The following GALNT13 variants were observed in gnomAD, a reference collection of about 807,000 sequenced individuals.
The protein encoded by GALNT13 is UDP-GalNAc:polypeptide N-acetylgalactosaminyltransferase 13.
In GALNT13, 28 loss-of-function variants were observed where a neutral mutation model predicts 64.2. That is an observed-to-expected ratio of 0.44 (90% CI 0.32 to 0.60). The LOEUF is 0.60. Ranked by LOEUF, GALNT13 falls within the 20% of genes least tolerant of loss-of-function variation. The pLI is 0.05. For missense variants in GALNT13, 577 were observed against 669.8 expected (o/e 0.86, Z 1.53); for synonymous variants, 214 against 224.6 (o/e 0.95, Z 0.42).
chr2:154,290,306 A>C (rs970597588), intron 8 of GALNT13, among the ~76,000 whole-genome samples: 3 of 152,232 alleles, frequency 2.0e-5, no homozygotes, highest in African/African-American at 7.2e-5. Context: ...GAGGTCCTCC[A>C]GTCTCTCTTT....
chr2:153,961,626 T>C (rs1017152928), intron 3 of GALNT13, among the ~76,000 whole-genome samples: 3 of 152,128 alleles, frequency 2.0e-5, no homozygotes, highest in African/African-American at 7.2e-5. Flanking sequence ...CCCAACTTCA[T>C]AGTTGAGTAT....
intron 9 of GALNT13, among the ~76,000 whole-genome samples, chr2:154,366,306 T>C (rs948641860): frequency 6.6e-6 from 1 of 152,164 alleles, no homozygotes; most frequent in Non-Finnish European, 1.5e-5. Flanking sequence ...AATATATAGT[T>C]TAGAAAATAT....
At chr2:154,096,694 A>G (rs953903315) in intron 3 of GALNT13, among the ~76,000 whole-genome samples, 1 of 152,110 alleles carries the variant, frequency 6.6e-6, no homozygotes, top group Non-Finnish European at 1.5e-5. Context: ...GCTCCAGGAC[A>G]AATTCAACAT....
intron 2 of GALNT13, among the ~76,000 whole-genome samples, chr2:153,936,761 C>G (rs1313117711): frequency 6.6e-6 from 1 of 151,626 alleles, no homozygotes; most frequent in African/African-American, 2.4e-5. Context: ...CACTCTGTCA[C>G]CCAGGCTGGA....
At chr2:153,341,092 T>A in the GALNT13 span, among the ~76,000 whole-genome samples, 1 of 152,196 alleles carries the variant, frequency 6.6e-6, no homozygotes, top group Admixed American at 6.5e-5. Context: ...AAGAAAAATT[T>A]TATTGAAATT....
chr2:153,132,615 G>A, the GALNT13 span, among the ~76,000 whole-genome samples: 3 of 152,256 alleles, frequency 2.0e-5, no homozygotes, highest in Admixed American at 6.5e-5. Context: ...TTAGTATATC[G>A]ATTCTCATGT....
intron 3 of GALNT13, among the ~76,000 whole-genome samples, chr2:153,949,817 G>C (rs986947856): frequency 6.6e-6 from 1 of 152,102 alleles, no homozygotes; most frequent in African/African-American, 2.4e-5. Context: ...CATATGTTTG[G>C]AACATTCTTT....
At chr2:153,695,207 A>G in the GALNT13 span, among the ~76,000 whole-genome samples, 1 of 152,180 alleles carries the variant, frequency 6.6e-6, no homozygotes, top group Admixed American at 6.6e-5. Flanking sequence ...CTTAGGGACC[A>G]TGTAGGCATG....
intron 3 of GALNT13, among the ~76,000 whole-genome samples, chr2:154,113,339 C>G (rs1157203671): frequency 1.3e-5 from 2 of 152,240 alleles, no homozygotes; most frequent in African/African-American, 2.4e-5. Context: ...CAGCCTAGAT[C>G]TGTTGCGGAG....
At chr2:153,926,360 T>C (rs1189277953) in intron 2 of GALNT13, 2 of 152,108 alleles carry the variant, frequency 1.3e-5, no homozygotes, top group Admixed American at 6.6e-5. Context: ...TTTTCCACTT[T>C]AAATAATCAC....
intron 4 of GALNT13, among the ~76,000 whole-genome samples, chr2:154,155,909 G>A (rs1684388340): frequency 6.7e-6 from 1 of 149,082 alleles, no homozygotes; most frequent in Non-Finnish European, 1.5e-5. Context: ...TATACTTTTA[G>A]GATAAAACTA....
chr2:153,303,649 T>A, the GALNT13 span, among the ~76,000 whole-genome samples: 1 of 152,354 alleles, frequency 6.6e-6, no homozygotes. Flanking sequence ...AAAAAACTTT[T>A]AACTTTTCAA....
chr2:154,175,756 G>T (rs1169437121), intron 4 of GALNT13, among the ~76,000 whole-genome samples: 1 of 151,988 alleles, frequency 6.6e-6, no homozygotes, highest in Admixed American at 6.6e-5. Flanking sequence ...TCTCTATCTT[G>T]AGGTACTTCT....
the GALNT13 span, among the ~76,000 whole-genome samples, chr2:153,653,294 G>C: frequency 6.6e-6 from 1 of 152,106 alleles, no homozygotes; most frequent in Non-Finnish European, 1.5e-5. Context: ...AATCCACTAG[G>C]GAGCTTTAGA....
the GALNT13 span, among the ~76,000 whole-genome samples, chr2:153,545,332 G>A: frequency 5.3e-5 from 8 of 152,134 alleles, no homozygotes; most frequent in Non-Finnish European, 7.3e-5. Context: ...AGGAGAATGA[G>A]GCAGAGGATG....
chr2:153,875,597 A>G (rs181704001), intron 1 of GALNT13, among the ~76,000 whole-genome samples: 1 of 152,314 alleles, frequency 6.6e-6, no homozygotes, highest in Admixed American at 6.5e-5. Flanking sequence ...TGTACAGCTT[A>G]TAAAGACTTC....
the GALNT13 span, among the ~76,000 whole-genome samples, chr2:153,736,932 T>C: frequency 0.83 from 126,709 of 152,184 alleles, 53,607 homozygotes; most frequent in Non-Finnish European, 0.89. Flanking sequence ...CATCAACCTC[T>C]GACATTCTAT....
chr2:153,330,533 A>T, the GALNT13 span, among the ~76,000 whole-genome samples: 35 of 152,278 alleles, frequency 2.3e-4, no homozygotes, highest in South Asian at 7.0e-3. Context: ...TGTCTGTTTT[A>T]AATGGGATTG....
chr2:154,011,576 T>C (rs1358893979), intron 3 of GALNT13, among the ~76,000 whole-genome samples: 1 of 152,154 alleles, frequency 6.6e-6, no homozygotes, highest in African/African-American at 2.4e-5. Flanking sequence ...CTGTAGATTA[T>C]CTGTTAGGTC....
Sources: allele counts gnomAD v4.1 joint callset (sites outside exome capture counted in the v4.1 genomes callset), GRCh38; gene constraint gnomAD v4.1.1; transcripts MANE v1.5; gene names NCBI Gene and HGNC (gene_info 2026-07-23, HGNC 2026-07-21).